HERC2: variants seen among roughly 807,000 people sequenced by gnomAD.
The protein encoded by HERC2 is HECT and RLD domain containing E3 ubiquitin protein ligase 2.
In HERC2, 102 loss-of-function variants were observed where a neutral mutation model predicts 537.7. That is an observed-to-expected ratio of 0.19 (90% confidence interval 0.16 to 0.22). HERC2 has a LOEUF of 0.22. Ranked by LOEUF, HERC2 falls within the 10% of genes least tolerant of loss-of-function variation. HERC2 has a pLI of 1.00. For synonymous variants in HERC2, 2,224 were observed against 2,466.2 expected (o/e 0.90, Z 2.91); for missense variants, 4,236 against 6,198.2 (o/e 0.68, Z 10.63).
In HERC2 at chr15:28,283,095, A is replaced by G. The variant is rs568606114; in HGVS notation, c.323-2808T>C. On this transcript the variant is annotated intron_variant, in intron 4 of 92. Coordinates refer to ENST00000261609, the MANE Select transcript of HERC2 (RefSeq NM_004667.6). ...GGACCTATGGGACTATAACAACTCC[A>G]GTCACTGAACTCACGAAGGGACAGG... is the stretch of plus-strand genomic sequence containing the variant. 5.3e-5 allele frequency among the ~76,000 whole-genome samples: 8 copies of G among 150,412 alleles called. No homozygotes were observed. The East Asian group carries it at 5.9e-4, about 11-fold the overall frequency.
rs561481718 is a variant in HERC2 at position 28,268,130 on chromosome 15, G to C, written c.1598+335C>G. 2.8e-4 allele frequency among the ~76,000 whole-genome samples: 42 copies of C among 152,326 alleles called. No homozygotes were observed. Among genetic ancestry groups the C allele is most frequent in the African/African-American group, 9.4e-4 (39 of 41,578 alleles). On this transcript the variant is annotated intron_variant, in intron 12 of 92. Transcript: ENST00000261609. This position sits in a 1 kb window ranked among gnomAD's most constrained non-coding sequence, Gnocchi z 4.7. ...AAAAGGGTGACAACCTTATCTATGAGAGACAGGGTGAACTGTTTGTGAATG... is the reference window on the plus strand; with the variant it reads ...AAAAGGGTGACAACCTTATCTATGACAGACAGGGTGAACTGTTTGTGAATG...
intron 23 of HERC2, among the ~76,000 whole-genome samples, chr15:28,239,850 AG>A (rs1902867540): frequency 6.6e-6 from 1 of 152,234 alleles, no homozygotes; most frequent in South Asian, 2.1e-4. Flanking sequence ...TCACAGGGAG[AG>A]GAGGGCCTGG....
In HERC2 at chr15:28,117,122, G is replaced by A. The variant is rs773579592; in HGVS notation, c.13305C>T (p.Ala4435=). The change falls in exon 87 of 93, where the codon GCC becomes GCT. Residue 4435 remains alanine, a synonymous_variant. Coordinates refer to ENST00000261609, the MANE Select transcript of HERC2 (RefSeq NM_004667.6). ...AGACAGACTTGGTGCCGTCGGGGCCGGCCAGCCCGCCTTTGCTCCTTGATC... is the reference window on the plus strand; with the variant it reads ...AGACAGACTTGGTGCCGTCGGGGCCAGCCAGCCCGCCTTTGCTCCTTGATC... ...VKRSRSKGGL[A]GPDGTKSVFG... is the part of the protein sequence containing the mutation. The A allele has an allele frequency of 1.1e-5, 17 of 1,614,020 alleles. No homozygotes were observed. The highest frequency in any genetic ancestry group is 1.7e-4 in the Middle Eastern group (1 of 6,060).
chr15:28,156,024 T>C (rs1405006799), intron 69 of HERC2, among the ~76,000 whole-genome samples: 4 of 152,242 alleles, frequency 2.6e-5, no homozygotes, highest in African/African-American at 9.6e-5. Flanking sequence ...TAGGGAATCC[T>C]TTCCCCATTT....
intron 2 of HERC2, among the ~76,000 whole-genome samples, chr15:28,303,799 C>T (rs1259862699): frequency 6.6e-6 from 1 of 152,080 alleles, no homozygotes; most frequent in Non-Finnish European, 1.5e-5. Context: ...ACGTATTTTA[C>T]TTTATTTGTA....
Position 28,209,330 on chromosome 15 carries a change from A to ATTTAT in HERC2, c.7069+1667_7069+1671dup, listed in dbSNP as rs1444674187. On this transcript the variant is annotated intron_variant, in intron 44 of 92. Coordinates refer to ENST00000261609, the MANE Select transcript of HERC2 (RefSeq NM_004667.6). Reference sequence around the variant, plus strand: ...TAGCAATAACAACTATTTACATATCATTTATTTTATTTTTATTTATTTATT... The same window carrying ATTTAT: ...TAGCAATAACAACTATTTACATATCATTTATTTTATTTTATTTTTATTTATTTATT... Among the ~76,000 whole-genome samples, 687 of 152,100 alleles carry ATTTAT rather than the reference A, an allele frequency of 4.5e-3. 6 individuals are homozygous for ATTTAT. The highest frequency in any genetic ancestry group is 0.015 in the African/African-American group (640 of 41,488).
chr15:28,145,885 C>A (rs1236437621), intron 71 of HERC2, among the ~76,000 whole-genome samples: 1 of 152,192 alleles, frequency 6.6e-6, no homozygotes, highest in Non-Finnish European at 1.5e-5. Context: ...TGGCCATGCC[C>A]TCACTGCAGC....
Position 28,315,761 on chromosome 15 carries a change from G to T in HERC2, c.72+5601C>A. The T allele has an allele frequency of 1.3e-5, 19 of 1,429,550 alleles. 1 individual carries two copies. In the South Asian group the frequency reaches 1.3e-4, roughly 10 times the overall value. 88.6% of individuals were successfully genotyped at this position (1,429,550 alleles called of 1,614,324 possible). On this transcript the variant is annotated intron_variant, in intron 2 of 92. Coordinates refer to ENST00000261609, the MANE Select transcript of HERC2 (RefSeq NM_004667.6). ...GCAAAAGAAGAAAGATGAGGCAGAG[G>T]TCCAAGTAAACCGCTAGCTTGTTGC...
Position 28,246,895 on chromosome 15 carries a change from G to C in HERC2, c.3238C>G (p.Pro1080Ala). ...SIGQTSDISS[P>A]ELMGVGSLLK... Reference sequence around the variant, plus strand: ...AAGGAACCAACACCCATTAGCTCTGGACCTTGAAGAAGGATTGAGAAATTT... The same window carrying C: ...AAGGAACCAACACCCATTAGCTCTGCACCTTGAAGAAGGATTGAGAAATTT... The change falls in exon 22 of 93, where the codon CCA becomes GCA. Residue 1080 changes from proline to alanine, a missense_variant and splice_region_variant. Around this residue, in one of 27 missense-constraint regions of HERC2, gnomAD observed 754 missense variants for 1,085.0 expected, o/e 0.69. Coordinates refer to ENST00000261609, the MANE Select transcript of HERC2 (RefSeq NM_004667.6). The C allele has an allele frequency of 6.3e-7, 1 of 1,594,516 alleles. No homozygotes were observed. The highest frequency in any genetic ancestry group is 8.5e-7 in the Non-Finnish European group (1 of 1,174,742).
intron 78 of HERC2, among the ~76,000 whole-genome samples, chr15:28,138,813 G>A (rs1308855788): frequency 5.3e-5 from 8 of 152,182 alleles, no homozygotes; most frequent in Admixed American, 1.3e-4. Context: ...TTCCTCTAAC[G>A]GATGTGGACA....
At chr15:28,190,747 G>C in intron 55 of HERC2, 1 of 583,000 alleles carries the variant, frequency 1.7e-6, no homozygotes, top group Non-Finnish European at 3.0e-6. Flanking sequence ...ACCAAAGAGA[G>C]TGAGAATGAA....
intron 44 of HERC2, among the ~76,000 whole-genome samples, chr15:28,207,015 A>C (rs1021567173): frequency 9.2e-5 from 13 of 141,406 alleles, no homozygotes; most frequent in African/African-American, 2.9e-4. Flanking sequence ...ATCTCAAAAC[A>C]AAAAAAAAAA....
chr15:28,229,514 T>G lies in HERC2; in HGVS notation c.5066A>C (p.Gln1689Pro), dbSNP rs2525988. Residue 1689 changes from glutamine to proline, a missense_variant, in exon 33 of 93, where the codon CAG (glutamine) becomes CCG (proline). Gln to Pro is a moderately conservative substitution (Grantham distance 76). Coordinates refer to ENST00000261609, the MANE Select transcript of HERC2 (RefSeq NM_004667.6). Reference protein sequence around the residue: ...ASKNFLLPSVQYAMFCGWQRL... With the variant: ...ASKNFLLPSVPYAMFCGWQRL... ...TTGCCATCCACAAAACATCGCATAC[T>G]GCACAGATGGAAGTAAGAAATTCTT... 1.4e-5 allele frequency: 22 copies of G among 1,613,844 alleles called. No individual in the cohort carries two copies. Among genetic ancestry groups the G allele is most frequent in the East Asian group, 4.5e-5 (2 of 44,902 alleles).
intron 30 of HERC2, among the ~76,000 whole-genome samples, chr15:28,231,562 T>C (rs1901851998): frequency 6.6e-6 from 1 of 152,186 alleles, no homozygotes; most frequent in Non-Finnish European, 1.5e-5. Flanking sequence ...TCACACATGA[T>C]ATGACACTGT....
chr15:28,221,894 G>A (rs897843151), intron 36 of HERC2, 134 bp downstream of exon 36: 17 of 820,344 alleles, frequency 2.1e-5, no homozygotes, highest in East Asian at 9.7e-5. Context: ...TCGGCTGCTC[G>A]GGAACCAACA....
In HERC2 at chr15:28,265,134, T is replaced by G. The variant is rs1036668435; in HGVS notation, c.1870+484A>C. On this transcript the variant is annotated intron_variant, in intron 14 of 92. Coordinates refer to ENST00000261609, the MANE Select transcript of HERC2 (RefSeq NM_004667.6). The surrounding 1 kb of genome is among the most constrained non-coding windows in gnomAD (Gnocchi z 4.0). ...ACAATACTGAAAGACGAGTCATTTC[T>G]AAAATATTAACATGACTTTAACCAT... 6.6e-6 allele frequency among the ~76,000 whole-genome samples: 1 copy of G among 152,088 alleles called. No individual in the cohort carries two copies. Among genetic ancestry groups the G allele is most frequent in the Non-Finnish European group, 1.5e-5 (1 of 68,048 alleles).
intron 42 of HERC2, among the ~76,000 whole-genome samples, chr15:28,213,252 T>G (rs1899470164): frequency 1.2e-5 from 1 of 86,576 alleles, no homozygotes; most frequent in Non-Finnish European, 2.1e-5. Flanking sequence ...AAGATTGCAC[T>G]TGGGCTACAT....
At position 28,186,525 on chromosome 15, in the gene HERC2, A is replaced by G. The variant is rs1896323551; in HGVS notation, c.8825+52T>C. The G allele has an allele frequency of 1.4e-5, 20 of 1,464,538 alleles. No individual in the cohort carries two copies. In the South Asian group the frequency reaches 2.4e-4, roughly 18 times the overall value. The allele number at this position is 1,464,538 out of a possible 1,614,324, so 90.7% of individuals were successfully genotyped here. A position where few individuals can be genotyped will look rare whatever the true frequency, so the allele number is the denominator to read the frequency against. ...TAAATGTTTCCTTTCGAAAGTGAGG[A>G]TCCAGGAATGTAGCGGGAGGTAAGT... On this transcript the variant is annotated intron_variant, in intron 56 of 92. Transcript: ENST00000261609.
rs548417939 is a variant in HERC2 at position 28,176,360 on chromosome 15, C to T, written c.9686+68G>A. The T allele has an allele frequency of 2.2e-5, 32 of 1,486,790 alleles. No homozygotes were observed. The highest frequency in any genetic ancestry group is 1.6e-4 in the Admixed American group (9 of 55,708). 92.1% of individuals were successfully genotyped at this position (1,486,790 alleles called of 1,614,324 possible). On this transcript the variant is annotated intron_variant, in intron 63 of 92. Coordinates refer to ENST00000261609, the MANE Select transcript of HERC2 (RefSeq NM_004667.6). This position sits in a 1 kb window ranked among gnomAD's most constrained non-coding sequence, Gnocchi z 5.0. ...ACAATCACGCCGGGTGAGCCTGGGG[C>T]GAGGCCCAGGTTCCCTGCACACACC...
Sources: allele counts gnomAD v4.1 joint callset (sites outside exome capture counted in the v4.1 genomes callset), GRCh38; gene constraint gnomAD v4.1.1; regional missense constraint gnomAD v4.1.1; non-coding constraint Gnocchi (gnomAD v3.1); transcripts MANE v1.5; gene names NCBI Gene and HGNC (gene_info 2026-07-23, HGNC 2026-07-21).